PRKAG2: variants seen among roughly 807,000 people sequenced by gnomAD.
PRKAG2 encodes the protein protein kinase AMP-activated non-catalytic subunit gamma 2, also known as 5'-AMP-activated protein kinase subunit gamma-2.
A neutral mutation model predicts 69.6 loss-of-function variants in PRKAG2; 26 were observed. That is an observed-to-expected ratio of 0.37 (90% confidence interval 0.27 to 0.52). The LOEUF (loss-of-function observed/expected upper bound fraction) is 0.52. PRKAG2 is among the 20% of genes least tolerant of loss of function. PRKAG2 has a pLI of 0.90. For synonymous variants in PRKAG2, 293 were observed against 285.0 expected (o/e 1.03, Z -0.28); for missense variants, 557 against 740.0 (o/e 0.75, Z 2.87).
chr7:151,575,279 T>TA (rs1165720576), intron 7 of PRKAG2, among the ~76,000 whole-genome samples: 7 of 152,230 alleles, frequency 4.6e-5, no homozygotes, highest in Non-Finnish European at 8.8e-5. Context: ...TACTTTAAGA[T>TA]AAAGTATTCC....
At chr7:151,580,293 G>C (rs1403817171) in intron 6 of PRKAG2, among the ~76,000 whole-genome samples, 1 of 152,150 alleles carries the variant, frequency 6.6e-6, no homozygotes, top group Non-Finnish European at 1.5e-5. Flanking sequence ...GTTGCAATGA[G>C]CTGAGACCAT....
chr7:151,584,237 C>T (rs1354530762), intron 6 of PRKAG2, among the ~76,000 whole-genome samples: 1 of 152,126 alleles, frequency 6.6e-6, no homozygotes, highest in African/African-American at 2.4e-5. Flanking sequence ...GGAGGAAATG[C>T]ACTGCTCCAG....
intron 6 of PRKAG2, among the ~76,000 whole-genome samples, chr7:151,576,758 C>G (rs2151045182): frequency 6.6e-6 from 1 of 152,320 alleles, no homozygotes; most frequent in East Asian, 1.9e-4. Flanking sequence ...ACCTCGGCCT[C>G]CCAAAGTGTT....
intron 3 of PRKAG2, among the ~76,000 whole-genome samples, chr7:151,772,781 C>T (rs1390559602): frequency 6.6e-6 from 1 of 151,618 alleles, no homozygotes; most frequent in Non-Finnish European, 1.5e-5. Context: ...AGTACAGGAG[C>T]TTGAGACTAG....
At chr7:151,866,086 A>G (rs546883235) in intron 1 of PRKAG2, among the ~76,000 whole-genome samples, 4 of 152,290 alleles carry the variant, frequency 2.6e-5, no homozygotes, top group Admixed American at 1.3e-4. Flanking sequence ...TGAGATAAGA[A>G]GGGTAAAGAA....
At chr7:151,809,587 TGG>T (rs1191477231) in intron 1 of PRKAG2, 1 of 209,626 alleles carries the variant, frequency 4.8e-6, no homozygotes, top group Non-Finnish European at 9.8e-6. Context: ...TTGACTCACA[TGG>T]CAATGGTCAC....
intron 3 of PRKAG2, among the ~76,000 whole-genome samples, chr7:151,772,830 T>TA (rs2076082272): frequency 1.3e-5 from 2 of 151,292 alleles, no homozygotes; most frequent in South Asian, 4.2e-4. Context: ...TACAAAAAGT[T>TA]AAAAAATTAA....
At chr7:151,813,485 T>C (rs1881634) in intron 1 of PRKAG2, among the ~76,000 whole-genome samples, 21,906 of 132,792 alleles carry the variant, frequency 0.16, 1,707 homozygotes, top group Non-Finnish European at 0.19. Flanking sequence ...CGGAAGGCGA[T>C]TGTAAGGAAA....
chr7:151,848,399 G>A (rs1393044948), intron 1 of PRKAG2, among the ~76,000 whole-genome samples: 20 of 151,038 alleles, frequency 1.3e-4, no homozygotes, highest in Non-Finnish European at 2.9e-4. Flanking sequence ...CACCACCCTC[G>A]TCTCGGACTT....
intron 1 of PRKAG2, among the ~76,000 whole-genome samples, chr7:151,853,541 G>A (rs2079629992): frequency 6.6e-6 from 1 of 152,064 alleles, no homozygotes. Context: ...GGTGGATCAC[G>A]AGGTCAGGAG....
chr7:151,739,438 CTTTA>C (rs58335250), intron 3 of PRKAG2, among the ~76,000 whole-genome samples: 2,564 of 147,432 alleles, frequency 0.017, 46 homozygotes, highest in African/African-American at 0.044. Context: ...ATGACCCAGC[CTTTA>C]TTTATTTATT....
At chr7:151,630,238 A>G (rs1289372214) in intron 5 of PRKAG2, among the ~76,000 whole-genome samples, 1 of 152,234 alleles carries the variant, frequency 6.6e-6, no homozygotes, top group African/African-American at 2.4e-5. Context: ...AAAGAAAAAA[A>G]AGAGTGTATA....
intron 3 of PRKAG2, among the ~76,000 whole-genome samples, chr7:151,682,334 G>A (rs146837874): frequency 5.1e-4 from 77 of 152,194 alleles, no homozygotes; most frequent in African/African-American, 1.8e-3. Context: ...TCAAACTCCT[G>A]GGCTCAAGTG....
At chr7:151,787,424 C>A (rs1487223410) in intron 1 of PRKAG2, among the ~76,000 whole-genome samples, 2 of 151,836 alleles carry the variant, frequency 1.3e-5, no homozygotes, top group African/African-American at 4.8e-5. Context: ...TTGAATCTGA[C>A]CACTCTAGGT....
intron 4 of PRKAG2, among the ~76,000 whole-genome samples, chr7:151,644,508 G>C (rs1467480753): frequency 6.6e-6 from 1 of 152,138 alleles, no homozygotes; most frequent in Non-Finnish European, 1.5e-5. Flanking sequence ...ATGTCGCTCA[G>C]TATACCAGTA....
chr7:151,665,982 G>A (rs775699962), intron 4 of PRKAG2, among the ~76,000 whole-genome samples: 1 of 152,114 alleles, frequency 6.6e-6, no homozygotes, highest in Non-Finnish European at 1.5e-5. Flanking sequence ...CTTGGAGACT[G>A]ACTGAATGGC....
rs1014089536 is a variant in PRKAG2, at chr7:151,632,482, C to T, written c.685-344G>A. 7.4e-6 allele frequency: 6 copies of T among 812,814 alleles called. No homozygotes were observed. The East Asian group carries it at 3.7e-4, about 51-fold the overall frequency. The allele number at this position is 812,814 out of a possible 1,614,324, so 50.4% of individuals were successfully genotyped here. ...GCAGCGCCTGGGCCCGGGGCGCCCCCCTCCGGCCGTGGCCCGCGTCCTCCC... is the reference window on the plus strand; with the variant it reads ...GCAGCGCCTGGGCCCGGGGCGCCCCTCTCCGGCCGTGGCCCGCGTCCTCCC... On this transcript the variant is annotated intron_variant, in intron 4 of 15. Coordinates refer to ENST00000287878, the MANE Select transcript of PRKAG2 (RefSeq NM_016203.4). This position sits in a 1 kb window ranked among gnomAD's most constrained non-coding sequence, Gnocchi z 4.2.
intron 3 of PRKAG2, among the ~76,000 whole-genome samples, chr7:151,705,878 G>T (rs1465952753): frequency 2.0e-5 from 3 of 151,984 alleles, no homozygotes; most frequent in Non-Finnish European, 4.4e-5. Context: ...CGTTTTATTT[G>T]ACATTCCTAC....
At chr7:151,667,054 C>A (rs554938626) in intron 4 of PRKAG2, among the ~76,000 whole-genome samples, 21 of 152,312 alleles carry the variant, frequency 1.4e-4, no homozygotes, top group African/African-American at 4.8e-4. Flanking sequence ...CAGCTCCCTG[C>A]CCAGGACAGC....
Sources: gnomAD v4.1 joint callset for allele counts (sites outside exome capture counted in the v4.1 genomes callset) on GRCh38, gnomAD v4.1.1 for gene constraint, Gnocchi (gnomAD v3.1) non-coding constraint, MANE v1.5 for transcripts, NCBI Gene and HGNC (gene_info 2026-07-23, HGNC 2026-07-21) for gene names.